Variants in ZDHHC15 observed in about 807,000 individuals in gnomAD.
The protein encoded by ZDHHC15 is palmitoyltransferase ZDHHC15.
ZDHHC15 carries 19 observed loss-of-function variants against 31.7 expected under a neutral mutation model. The ratio of observed to expected loss-of-function variants is 0.60; its 90% CI spans 0.42 to 0.88. The LOEUF (loss-of-function observed/expected upper bound fraction) is 0.88, where lower values mean the gene tolerates loss of function less well. ZDHHC15 is among the 40% of genes least tolerant of loss of function. The pLI is 0.00. For synonymous variants in ZDHHC15, 103 were observed against 90.0 expected, an observed-to-expected ratio of 1.14 and a Z score of -0.82; for missense variants, 209 against 251.2, an observed-to-expected ratio of 0.83 and a Z score of 1.14.
intron 10 of ZDHHC15, among the ~76,000 whole-genome samples, chrX:75,391,165 A>G (rs919568850): frequency 6.3e-5 from 7 of 111,979 alleles, no homozygotes; most frequent in African/African-American, 2.3e-4. Context: ...CTACTTGAAA[A>G]TACACACAGA....
At chrX:75,441,462 C>G (rs2083939008) in intron 4 of ZDHHC15, among the ~76,000 whole-genome samples, 1 of 111,397 alleles carries the variant, frequency 9.0e-6, no homozygotes, top group East Asian at 2.8e-4. Context: ...TTTTTAGATT[C>G]CCCAGTGGGG....
chrX:75,481,590 C>T (rs780133030), intron 2 of ZDHHC15, among the ~76,000 whole-genome samples: 1 of 111,776 alleles, frequency 8.9e-6, no homozygotes, highest in East Asian at 2.8e-4. Flanking sequence ...TTCTATAAAC[C>T]GGTAAAATAG....
intron 4 of ZDHHC15, among the ~76,000 whole-genome samples, chrX:75,437,707 T>G (rs953814865): frequency 3.7e-5 from 4 of 107,457 alleles, no homozygotes; most frequent in African/African-American, 1.4e-4. Context: ...TTGGGTTGGT[T>G]CCAAGTCTTT....
At chrX:75,451,459 AC>A (rs1441623899) in intron 3 of ZDHHC15, among the ~76,000 whole-genome samples, 4 of 112,456 alleles carry the variant, frequency 3.6e-5, no homozygotes, top group Non-Finnish European at 5.6e-5. Flanking sequence ...ACTATTGAAT[AC>A]TTTTTTAGTC....
At chrX:75,428,358 G>A (rs773343816) in intron 7 of ZDHHC15, among the ~76,000 whole-genome samples, 3 of 111,985 alleles carry the variant, frequency 2.7e-5, no homozygotes, top group South Asian at 7.4e-4. Context: ...TTTTTTGGAA[G>A]TAGTTGGATA....
At chrX:75,425,334 C>T (rs950663000) in intron 7 of ZDHHC15, among the ~76,000 whole-genome samples, 4 of 111,282 alleles carry the variant, frequency 3.6e-5, no homozygotes, top group Non-Finnish European at 7.5e-5. Context: ...TTTTTTATAG[C>T]TGAGGTAGAA....
chrX:75,440,567 C>G (rs928136286), intron 4 of ZDHHC15, among the ~76,000 whole-genome samples: 3 of 112,814 alleles, frequency 2.7e-5, no homozygotes, highest in African/African-American at 9.7e-5. Context: ...GCGTGAGCCA[C>G]CGTGCCCAAC....
At chrX:75,406,388 A>G (rs954682476) in intron 10 of ZDHHC15, among the ~76,000 whole-genome samples, 1 of 111,531 alleles carries the variant, frequency 9.0e-6, no homozygotes, top group Non-Finnish European at 1.9e-5. Flanking sequence ...CCAAAGCAAT[A>G]CAGAAGACCA....
chrX:75,447,489 C>A (rs1391748011), intron 4 of ZDHHC15, among the ~76,000 whole-genome samples: 2 of 112,081 alleles, frequency 1.8e-5, no homozygotes, highest in Admixed American at 9.5e-5. Flanking sequence ...TCCCCATCAT[C>A]CTGAAGCAGC....
intron 10 of ZDHHC15, among the ~76,000 whole-genome samples, chrX:75,394,278 A>AAAAAAC (rs760979304): frequency 8.9e-6 from 1 of 111,901 alleles, no homozygotes; most frequent in Non-Finnish European, 1.9e-5. Context: ...CAGGAAGGAC[A>AAAAAAC]AAAAACAAAA....
intron 2 of ZDHHC15, among the ~76,000 whole-genome samples, chrX:75,483,261 A>C (rs1340871437): frequency 9.1e-6 from 1 of 110,111 alleles, no homozygotes; most frequent in East Asian, 2.8e-4. Flanking sequence ...GATAAAAATT[A>C]CACAGATTTC....
At chrX:75,490,741 C>A (rs866230603) in intron 2 of ZDHHC15, among the ~76,000 whole-genome samples, 1 of 111,312 alleles carries the variant, frequency 9.0e-6, no homozygotes, top group African/African-American at 3.3e-5. Context: ...GTATTTTATT[C>A]TCTTTGAAGC....
chrX:75,446,808 T>A (rs2084039837), intron 4 of ZDHHC15, among the ~76,000 whole-genome samples: 1 of 111,386 alleles, frequency 9.0e-6, no homozygotes, highest in Admixed American at 9.6e-5. Context: ...AGGGCACTAA[T>A]CACATTCATG....
At position 75,467,537 on chromosome X, in the gene ZDHHC15, T is replaced by C. The variant is rs140411361; in HGVS notation, c.258+11354A>G. Among the ~76,000 whole-genome samples the C allele has an allele frequency of 4.3e-3, 484 of 112,390 alleles. 2 individuals are homozygous for C. The highest frequency in any genetic ancestry group is 0.015 in the African/African-American group (467 of 30,996). ...TTGGGTATTAAAGAATGTAATACTG[T>C]GGCTATTAAATTGGCCCAATGTACT... On this transcript the variant is annotated intron_variant, in intron 3 of 11. Coordinates refer to ENST00000373367, the MANE Select transcript of ZDHHC15 (RefSeq NM_144969.3).
intron 10 of ZDHHC15, among the ~76,000 whole-genome samples, chrX:75,386,865 C>A (rs780933248): frequency 1.8e-5 from 2 of 111,532 alleles, no homozygotes; most frequent in South Asian, 3.8e-4. Flanking sequence ...TTATCATGTA[C>A]CCCGGGGCTT....
intron 3 of ZDHHC15, among the ~76,000 whole-genome samples, chrX:75,460,181 C>A (rs759998662): frequency 8.9e-6 from 1 of 112,313 alleles, no homozygotes; most frequent in Admixed American, 9.4e-5. Flanking sequence ...GGCCAGACTG[C>A]TTCTTTAAGT....
intron 9 of ZDHHC15, among the ~76,000 whole-genome samples, chrX:75,420,577 T>A (rs2083613987): frequency 9.0e-6 from 1 of 111,611 alleles, no homozygotes; most frequent in Non-Finnish European, 1.9e-5. Context: ...AATGATAGAC[T>A]GGATAAAGAA....
chrX:75,502,857 T>A (rs1185788907), intron 2 of ZDHHC15, among the ~76,000 whole-genome samples: 1 of 111,056 alleles, frequency 9.0e-6, no homozygotes, highest in African/African-American at 3.3e-5. Flanking sequence ...AAATACATTA[T>A]CATGTTTTTA....
At chrX:75,465,674 C>A (rs775522529) in intron 3 of ZDHHC15, among the ~76,000 whole-genome samples, 6 of 111,250 alleles carry the variant, frequency 5.4e-5, no homozygotes, top group African/African-American at 1.3e-4. Flanking sequence ...CTTTGACAAA[C>A]CTGACAAAAA....
Sources: allele counts gnomAD v4.1 joint callset (sites outside exome capture counted in the v4.1 genomes callset), GRCh38; gene constraint gnomAD v4.1.1; transcripts MANE v1.5; gene names NCBI Gene and HGNC (gene_info 2026-07-23, HGNC 2026-07-21).